DCC: variants seen among roughly 807,000 people sequenced by gnomAD.
DCC encodes the protein netrin receptor DCC.
A neutral mutation model predicts 172.5 loss-of-function variants in DCC; 58 were observed. The ratio of observed to expected loss-of-function variants is 0.34; its 90% CI spans 0.27 to 0.42. The LOEUF is 0.42. Among genes scored for constraint, DCC ranks in the 10% least tolerant of loss-of-function variants. DCC has a pLI of 1.00. For synonymous variants in DCC, 709 were observed against 644.5 expected, an observed-to-expected ratio of 1.10 and a Z score of -1.52; for missense variants, 1,740 against 1,791.0, an observed-to-expected ratio of 0.97 and a Z score of 0.51.
intron 26 of DCC, among the ~76,000 whole-genome samples, chr18:53,494,116 T>C (rs1009229993): frequency 3.3e-5 from 5 of 152,222 alleles, no homozygotes; most frequent in African/African-American, 1.2e-4. Context: ...GGTTGTTCAG[T>C]TTCCATGTAG....
intron 1 of DCC, among the ~76,000 whole-genome samples, chr18:52,357,830 C>A (rs1355138408): frequency 1.3e-5 from 2 of 151,320 alleles, no homozygotes. Flanking sequence ...CCCAGCTACT[C>A]GGGAGGCTGA....
At chr18:52,436,128 G>A (rs747257251) in intron 1 of DCC, among the ~76,000 whole-genome samples, 3 of 152,198 alleles carry the variant, frequency 2.0e-5, no homozygotes, top group Non-Finnish European at 1.5e-5. Context: ...GGCTAGACCC[G>A]AAAAGAGAAA....
intron 2 of DCC, among the ~76,000 whole-genome samples, chr18:52,794,038 A>C (rs1305333460): frequency 6.6e-6 from 1 of 152,088 alleles, no homozygotes; most frequent in Non-Finnish European, 1.5e-5. Context: ...CTAATACCAT[A>C]CTGTTTTGGT....
At chr18:52,485,317 A>C (rs562169718) in intron 1 of DCC, among the ~76,000 whole-genome samples, 53 of 152,130 alleles carry the variant, frequency 3.5e-4, no homozygotes, top group Non-Finnish European at 6.2e-4. Context: ...ACCATAGAAT[A>C]CCTCAGCAGG....
At chr18:52,356,044 T>C (rs1984348684) in intron 1 of DCC, among the ~76,000 whole-genome samples, 1 of 152,180 alleles carries the variant, frequency 6.6e-6, no homozygotes, top group Non-Finnish European at 1.5e-5. Context: ...ATGACTTCCC[T>C]GGTCACTAGC....
At chr18:52,623,856 C>T (rs2034525157) in intron 1 of DCC, among the ~76,000 whole-genome samples, 2 of 152,082 alleles carry the variant, frequency 1.3e-5, no homozygotes, top group South Asian at 4.2e-4. Context: ...CTCAGGATTG[C>T]TTTAAAGCTT....
chr18:52,886,072 CA>C (rs2039565162), intron 2 of DCC, among the ~76,000 whole-genome samples: 1 of 151,700 alleles, frequency 6.6e-6, no homozygotes, highest in Admixed American at 6.6e-5. Flanking sequence ...TCACCTCAAG[CA>C]GAAGGAAGGA....
At chr18:52,472,151 G>A (rs1184538328) in intron 1 of DCC, among the ~76,000 whole-genome samples, 1 of 152,168 alleles carries the variant, frequency 6.6e-6, no homozygotes, top group Admixed American at 6.5e-5. Flanking sequence ...AGCAAGGTGT[G>A]ATAGTCTCAC....
intron 27 of DCC, among the ~76,000 whole-genome samples, chr18:53,513,568 C>T (rs2046288615): frequency 6.6e-6 from 1 of 152,122 alleles, no homozygotes; most frequent in South Asian, 2.1e-4. Context: ...TCAGGAAACC[C>T]ATCTCACATG....
chr18:53,254,895 CAT>C (rs1045168029), intron 12 of DCC, among the ~76,000 whole-genome samples: 2 of 152,030 alleles, frequency 1.3e-5, no homozygotes, highest in African/African-American at 4.8e-5. Context: ...AAGCATATAA[CAT>C]ATCCTAATTT....
intron 3 of DCC, 53 bp downstream of exon 3, chr18:52,906,381 A>G: frequency 6.3e-7 from 1 of 1,585,988 alleles, no homozygotes; most frequent in Non-Finnish European, 8.7e-7. Context: ...GAATAAGTTG[A>G]AAAACAATTT....
At chr18:53,515,638 ATTC>A (rs1301836721) in intron 27 of DCC, among the ~76,000 whole-genome samples, 1 of 146,548 alleles carries the variant, frequency 6.8e-6, no homozygotes, top group East Asian at 2.0e-4. Flanking sequence ...AATCACAAGC[ATTC>A]TTATACACCA....
chr18:53,426,046 A>G (rs938947118), intron 21 of DCC, among the ~76,000 whole-genome samples: 1 of 151,644 alleles, frequency 6.6e-6, no homozygotes, highest in Non-Finnish European at 1.5e-5. Flanking sequence ...TTCTAAGCTC[A>G]TCCACCTCAC....
intron 19 of DCC, among the ~76,000 whole-genome samples, chr18:53,409,545 A>G (rs1909866855): frequency 6.6e-6 from 1 of 152,156 alleles, no homozygotes; most frequent in Non-Finnish European, 1.5e-5. Context: ...ATCTGGCAAT[A>G]TAATATAAAA....
At position 52,647,476 on chromosome 18, in the gene DCC, C is replaced by T. The variant is rs531978674; in HGVS notation, c.92-104578C>T. ...CCTACTGCAGCAAGTTCAGGTTTTG[C>T]AGGCAGGCTCAATGGAGGAGAGGTA... On this transcript the variant is annotated intron_variant, in intron 1 of 28. Transcript: ENST00000442544. Among the ~76,000 whole-genome samples, 5 of 152,284 alleles carry T rather than the reference C, an allele frequency of 3.3e-5. No homozygotes were observed. The South Asian group carries it at 8.3e-4, about 25-fold the overall frequency.
chr18:52,429,211 T>C (rs1281131563), intron 1 of DCC, among the ~76,000 whole-genome samples: 3 of 152,064 alleles, frequency 2.0e-5, no homozygotes, highest in Admixed American at 2.0e-4. Flanking sequence ...TCATTTAGTC[T>C]ACTCATCAAC....
chr18:53,276,672 T>G (rs1169652335), intron 12 of DCC, among the ~76,000 whole-genome samples: 1 of 152,132 alleles, frequency 6.6e-6, no homozygotes, highest in Non-Finnish European at 1.5e-5. Context: ...GTCTGAGATA[T>G]ATCTAGAAAG....
intron 5 of DCC, among the ~76,000 whole-genome samples, chr18:52,954,882 AT>A (rs978143498): frequency 8.5e-5 from 13 of 152,242 alleles, no homozygotes; most frequent in Non-Finnish European, 1.0e-4. Flanking sequence ...TGCTTTAAAT[AT>A]TTTTTAAGGT....
chr18:53,321,920 A>T (rs2057415691), intron 13 of DCC, 127 bp from the exon 14 acceptor site: 2 of 745,282 alleles, frequency 2.7e-6, no homozygotes, highest in South Asian at 2.8e-5. Context: ...AATCATTACC[A>T]CAACAGTCAC....
Sources: gnomAD v4.1 joint callset for allele counts (sites outside exome capture counted in the v4.1 genomes callset) on GRCh38, gnomAD v4.1.1 for gene constraint, MANE v1.5 for transcripts, NCBI Gene and HGNC (gene_info 2026-07-23, HGNC 2026-07-21) for gene names.